Variants in PXDN observed in about 807,000 individuals in gnomAD.
PXDN encodes peroxidasin homolog.
In PXDN, 77 loss-of-function variants were observed where a neutral mutation model predicts 140.3. The observed-to-expected ratio is 0.55, with a 90% CI of 0.46 to 0.66. The LOEUF (loss-of-function observed/expected upper bound fraction) is 0.66. PXDN is among the 30% of genes least tolerant of loss of function. The probability of loss-of-function intolerance (pLI) is 0.00; values close to 1 mark genes in which losing one functional copy is unlikely to be tolerated. For synonymous variants in PXDN, 911 were observed against 857.4 expected (o/e 1.06, Z -1.09); for missense variants, 1,838 against 2,039.5 (o/e 0.90, Z 1.90).
At chr2:1,646,106 G>A (rs1199953397) in intron 17 of PXDN, 4 of 152,278 alleles carry the variant, frequency 2.6e-5, no homozygotes, top group South Asian at 2.1e-4. Context: ...ACAGTCTGCC[G>A]AAGGCAACCC....
In PXDN at chr2:1,649,008, G is replaced by T; in HGVS notation, c.2772C>A (p.Arg924=). The T allele has an allele frequency of 6.2e-7, 1 of 1,612,582 alleles. No homozygotes were observed. The highest frequency in any genetic ancestry group is 8.5e-7 in the Non-Finnish European group (1 of 1,179,780). ...GGTGGCTGGCCAGGTCGCGGATGCT[G>T]CGGGCCTCATGCTCCGTGCTCCCGT... ...NVYGSTEHEA[R]SIRDLASHRG... is the part of the protein sequence containing the mutation. The change falls in exon 17 of 23, where the codon CGC becomes CGA. Residue 924 remains arginine, a synonymous_variant. Transcript: ENST00000252804. The surrounding 1 kb of genome is among the most constrained non-coding windows in gnomAD (Gnocchi z 7.1).
chr2:1,716,625 T>C (rs1270221009), intron 1 of PXDN, among the ~76,000 whole-genome samples: 1 of 152,052 alleles, frequency 6.6e-6, no homozygotes, highest in Non-Finnish European at 1.5e-5. Flanking sequence ...GGGGTTGGCA[T>C]GGAGGCCCAG....
intron 8 of PXDN, chr2:1,676,311 G>A (rs1454817247): frequency 6.5e-6 from 1 of 153,114 alleles, no homozygotes; most frequent in East Asian, 1.9e-4. Context: ...GCATGTAATG[G>A]TCAGCGGTAG....
intron 1 of PXDN, among the ~76,000 whole-genome samples, chr2:1,694,076 A>G (rs1311693057): frequency 1.3e-5 from 2 of 152,184 alleles, no homozygotes; most frequent in Non-Finnish European, 2.9e-5. Flanking sequence ...CAGAAAGACC[A>G]ATTTCTTTAT....
At chr2:1,657,155 C>A (rs888857960) in intron 14 of PXDN, among the ~76,000 whole-genome samples, 1 of 147,188 alleles carries the variant, frequency 6.8e-6, no homozygotes. Context: ...GGGGGGGGAC[C>A]TGCCTCCTAC....
chr2:1,733,236 ATAAAAT>A (rs1331146687), intron 1 of PXDN, among the ~76,000 whole-genome samples: 2 of 152,164 alleles, frequency 1.3e-5, no homozygotes, highest in African/African-American at 4.8e-5. Context: ...AAATTTAAAA[ATAAAAT>A]TAAATAAAAA....
In PXDN at chr2:1,641,843, G is replaced by T. The variant is rs952339642; in HGVS notation, c.3952+1525C>A. Among the ~76,000 whole-genome samples the T allele has an allele frequency of 3.9e-5, 6 of 152,314 alleles. 1 individual carries two copies. The South Asian group carries it at 1.0e-3, about 26-fold the overall frequency. ...ACTTCTTAATAAGCAGCTAACAGGGGCCTGGTAAAGTTATCAGAAAATGGG... is the reference window on the plus strand; with the variant it reads ...ACTTCTTAATAAGCAGCTAACAGGGTCCTGGTAAAGTTATCAGAAAATGGG... On this transcript the variant is annotated intron_variant, in intron 19 of 22. Coordinates refer to ENST00000252804, the MANE Select transcript of PXDN (RefSeq NM_012293.3).
intron 1 of PXDN, among the ~76,000 whole-genome samples, chr2:1,742,705 G>C (rs1685573446): frequency 1.3e-5 from 2 of 152,160 alleles, no homozygotes; most frequent in African/African-American, 4.8e-5. Flanking sequence ...CATTCTAAAA[G>C]TCCACTGCTG....
chr2:1,709,302 G>A (rs1446511961), intron 1 of PXDN, among the ~76,000 whole-genome samples: 1 of 152,188 alleles, frequency 6.6e-6, no homozygotes, highest in Non-Finnish European at 1.5e-5. Context: ...AGGAGGCCCG[G>A]GAGTAGCTAT....
chr2:1,653,220 A>T (rs1683054201), intron 16 of PXDN: 1 of 323,472 alleles, frequency 3.1e-6, no homozygotes, highest in Non-Finnish European at 6.1e-6. Flanking sequence ...CTCTTCCAAA[A>T]CAACCCTCCT....
rs375246185 is a variant in PXDN at position 1,685,294 on chromosome 2, G to A, written c.417-1143C>T. 5.9e-3 allele frequency among the ~76,000 whole-genome samples: 892 copies of A among 152,352 alleles called. 5 individuals carry two copies. The highest frequency in any genetic ancestry group is 0.024 in the Middle Eastern group (7 of 294). ...CCGCGCACGAATGGGAAACGTGAGG[G>A]AAGGAAAAACTGGAGCAGGAAGACA... On this transcript the variant is annotated intron_variant, in intron 4 of 22. Coordinates refer to ENST00000252804, the MANE Select transcript of PXDN (RefSeq NM_012293.3). This position sits in a 1 kb window ranked among gnomAD's most constrained non-coding sequence, Gnocchi z 5.1.
At chr2:1,664,804 A>C in intron 11 of PXDN, 154 bp downstream of exon 11, 1 of 646,910 alleles carries the variant, frequency 1.5e-6, no homozygotes, top group Non-Finnish European at 2.6e-6. Context: ...ATGTGCAGAC[A>C]CCTCTGCGCT....
intron 1 of PXDN, among the ~76,000 whole-genome samples, chr2:1,705,983 C>A (rs1218409218): frequency 1.5e-5 from 2 of 132,636 alleles, no homozygotes; most frequent in African/African-American, 6.4e-5. Flanking sequence ...GCCGCTCAGG[C>A]ATCCATGTGG....
At chr2:1,697,377 C>A (rs1419869397) in intron 1 of PXDN, among the ~76,000 whole-genome samples, 11 of 152,170 alleles carry the variant, frequency 7.2e-5, no homozygotes, top group African/African-American at 2.7e-4. Context: ...TGACATAAAG[C>A]TTACAATAAA....
At chr2:1,637,824 G>A (rs1454518675) in intron 21 of PXDN, among the ~76,000 whole-genome samples, 1 of 151,274 alleles carries the variant, frequency 6.6e-6, no homozygotes, top group Non-Finnish European at 1.5e-5. Flanking sequence ...AGGCTGCGGA[G>A]GGAGGAAGAC....
At chr2:1,686,576 C>T (rs1684062798) in intron 4 of PXDN, among the ~76,000 whole-genome samples, 1 of 152,160 alleles carries the variant, frequency 6.6e-6, no homozygotes, top group Non-Finnish European at 1.5e-5. Context: ...GATATGAGAA[C>T]TTGCTCCTTT....
intron 1 of PXDN, among the ~76,000 whole-genome samples, chr2:1,739,688 G>A (rs1558534452): frequency 1.3e-5 from 2 of 152,100 alleles, no homozygotes; most frequent in Non-Finnish European, 2.9e-5. Flanking sequence ...TCTTGGGGAT[G>A]GGCCCTCTCT....
chr2:1,666,293 C>A lies in PXDN; in HGVS notation c.1212G>T (p.Gln404His), dbSNP rs2125428194. 2 of 1,614,058 alleles carry A rather than the reference C, an allele frequency of 1.2e-6. No homozygotes were observed. Among genetic ancestry groups the A allele is most frequent in the Non-Finnish European group, 1.7e-6 (2 of 1,179,904 alleles). ...SGGLYIQNVV[Q>H]GDSGEYACSA... is the part of the protein sequence containing the mutation. ...AGCACGCATACTCTCCGCTGTCCCCCTGTACGACGTTCTGTATGTAAAGCC... is the reference window on the plus strand; with the variant it reads ...AGCACGCATACTCTCCGCTGTCCCCATGTACGACGTTCTGTATGTAAAGCC... The change falls in exon 10 of 23, where the codon CAG becomes CAT. Residue 404 changes from glutamine to histidine, a missense_variant. Physicochemically the swap from Gln to His is conservative, Grantham distance 24. This residue lies in a region of PXDN where 537 missense variants were observed against 583.9 expected (regional missense o/e 0.92). Coordinates refer to ENST00000252804, the MANE Select transcript of PXDN (RefSeq NM_012293.3).
At chr2:1,652,780 T>G (rs984280680) in intron 16 of PXDN, among the ~76,000 whole-genome samples, 4 of 152,214 alleles carry the variant, frequency 2.6e-5, no homozygotes, top group African/African-American at 9.6e-5. Flanking sequence ...CAGGTCTCAA[T>G]TCCACGTCTC....
Sources: gnomAD v4.1 joint callset for allele counts (sites outside exome capture counted in the v4.1 genomes callset) on GRCh38, gnomAD v4.1.1 for gene constraint, gnomAD v4.1.1 regional missense constraint, Gnocchi (gnomAD v3.1) non-coding constraint, MANE v1.5 for transcripts, NCBI Gene and HGNC (gene_info 2026-07-23, HGNC 2026-07-21) for gene names.